The following HM13 variants were observed in gnomAD, a reference collection of about 807,000 sequenced individuals.
HM13 encodes the protein signal peptide peptidase.
In HM13, 18 loss-of-function variants were observed where a neutral mutation model predicts 50.0. That is an observed-to-expected ratio of 0.36 (90% CI 0.25 to 0.53). The LOEUF (loss-of-function observed/expected upper bound fraction) is 0.53. Among genes scored for constraint, HM13 ranks in the 20% least tolerant of loss-of-function variants. The pLI, the probability that HM13 is intolerant of heterozygous loss-of-function variation, is 0.90. For missense variants in HM13, 393 were observed against 552.4 expected (o/e 0.71, Z 2.89); for synonymous variants, 197 against 232.6 (o/e 0.85, Z 1.39).
chr20:31,539,530 T>C (rs928950914), intron 3 of HM13: 1 of 984,678 alleles, frequency 1.0e-6, no homozygotes, highest in Non-Finnish European at 1.2e-6. Flanking sequence ...AGGTGGTGGC[T>C]CATGCCTGTA....
At chr20:31,547,387 C>T (rs1983784401) in intron 4 of HM13, 7 of 403,640 alleles carry the variant, frequency 1.7e-5, no homozygotes, top group Admixed American at 4.7e-5. Flanking sequence ...TTAGCGACAA[C>T]GGCTCTGACC....
At chr20:31,527,896 C>CT (rs79029117) in intron 2 of HM13, 3,270 of 167,624 alleles carry the variant, frequency 0.02, 20 homozygotes, top group Admixed American at 0.024. Context: ...TACTAATGGC[C>CT]TTTTTTTTTT....
chr20:31,536,710 A>G (rs1214906934), intron 2 of HM13, among the ~76,000 whole-genome samples: 1 of 152,138 alleles, frequency 6.6e-6, no homozygotes, highest in East Asian at 1.9e-4. Flanking sequence ...TAGTCCCTGC[A>G]CACATGAACA....
intron 4 of HM13, among the ~76,000 whole-genome samples, chr20:31,546,289 G>A (rs1983713438): frequency 1.3e-5 from 2 of 151,782 alleles, no homozygotes; most frequent in Non-Finnish European, 2.9e-5. Flanking sequence ...CTCTTGATTC[G>A]CCTCCCAAAG....
intron 2 of HM13, among the ~76,000 whole-genome samples, chr20:31,531,184 A>G (rs1002438141): frequency 1.3e-5 from 2 of 151,772 alleles, no homozygotes; most frequent in African/African-American, 4.8e-5. Context: ...AGCTAGGATT[A>G]CAGGTGTGTG....
chr20:31,554,573 T>C, intron 7 of HM13, 173 bp from the exon 8 acceptor site: 1 of 552,320 alleles, frequency 1.8e-6, no homozygotes, highest in Non-Finnish European at 3.2e-6. Flanking sequence ...TTCCAGCTAC[T>C]TGGGAGGCTG....
At chr20:31,537,110 G>A (rs762090488) in intron 2 of HM13, among the ~76,000 whole-genome samples, 4 of 152,244 alleles carry the variant, frequency 2.6e-5, no homozygotes, top group African/African-American at 4.8e-5. Context: ...AAAGAAGGTT[G>A]AGTAAGGGTG....
At chr20:31,569,014 G>T in intron 12 of HM13, 106 bp from the exon 13 acceptor site, 1 of 754,422 alleles carries the variant, frequency 1.3e-6, no homozygotes, top group South Asian at 1.8e-5. Flanking sequence ...CTCTGCATGT[G>T]ACCAGGCGCT....
At chr20:31,519,538 GT>G (rs1203503066) in intron 1 of HM13, among the ~76,000 whole-genome samples, 2 of 152,178 alleles carry the variant, frequency 1.3e-5, no homozygotes, top group Non-Finnish European at 2.9e-5. Context: ...TAGAATGCTA[GT>G]TCTCTAGTAT....
At position 31,518,866 on chromosome 20, in the gene HM13, T is replaced by TAG. The variant is rs377009137; in HGVS notation, c.183+4150_183+4151dup. On this transcript the variant is annotated intron_variant, in intron 1 of 12. Coordinates refer to ENST00000398174, the MANE Select transcript of HM13 (RefSeq NM_178581.3). ...CTCAAAAAATATATACATATATATA[T>TAG]AGAGAGAGAGAGAGAGAGATCTACC... Among the ~76,000 whole-genome samples, 327 of 149,396 alleles carry TAG rather than the reference T, an allele frequency of 2.2e-3. 4 individuals are homozygous for TAG. Among genetic ancestry groups the TAG allele is most frequent in the East Asian group, 0.016 (82 of 5,084 alleles).
intron 1 of HM13, among the ~76,000 whole-genome samples, chr20:31,523,645 A>G (rs928331062): frequency 6.6e-6 from 1 of 152,170 alleles, no homozygotes; most frequent in Non-Finnish European, 1.5e-5. Context: ...CCTGCCTGTG[A>G]GTGTTTCAAG....
chr20:31,549,645 G>A (rs959444348), intron 6 of HM13, among the ~76,000 whole-genome samples: 2 of 152,156 alleles, frequency 1.3e-5, no homozygotes, highest in African/African-American at 4.8e-5. Flanking sequence ...TTCAGGTAGG[G>A]GTGGAAGAAT....
rs752347671 is a variant in HM13 at position 31,550,044 on chromosome 20, C to T, written c.667-20C>T. 2 of 1,602,996 alleles carry T rather than the reference C, an allele frequency of 1.2e-6. No homozygotes were observed. The highest frequency in any genetic ancestry group is 2.2e-5 in the East Asian group (1 of 44,820). On this transcript the variant is annotated intron_variant, in intron 6 of 12. Coordinates refer to ENST00000398174, the MANE Select transcript of HM13 (RefSeq NM_178581.3). ...CAGCCCCTCACTTCCCTTCATACTG[C>T]TCTTTTTTTCTCCTTCTAGGTATTT... is the stretch of plus-strand genomic sequence containing the variant.
chr20:31,565,416 T>C (rs1157044393), intron 10 of HM13, among the ~76,000 whole-genome samples: 20 of 149,204 alleles, frequency 1.3e-4, no homozygotes, highest in Non-Finnish European at 2.8e-4. Context: ...GAGGCGGAGG[T>C]TGCAGTGAGC....
chr20:31,538,613 TGTTGG>T, intron 3 of HM13: 1 of 1,235,028 alleles, frequency 8.1e-7, no homozygotes, highest in Non-Finnish European at 1.0e-6. Flanking sequence ...CTAAGTGCCA[TGTTGG>T]GCTCCTCACA....
chr20:31,527,438 A>T (rs1386238177), intron 1 of HM13, 46 bp from the exon 2 acceptor site: 2 of 1,375,876 alleles, frequency 1.5e-6, no homozygotes, highest in South Asian at 2.3e-5. Flanking sequence ...GCAGGAACAT[A>T]TGGGAACCAG....
intron 1 of HM13, among the ~76,000 whole-genome samples, chr20:31,519,472 G>C (rs369873533): frequency 1.3e-5 from 2 of 152,182 alleles, no homozygotes; most frequent in Non-Finnish European, 2.9e-5. Flanking sequence ...CAGTACATAG[G>C]GGGTGGGTGT....
In HM13 at chr20:31,549,343, CA is replaced by C; in HGVS notation, c.666+12del. Reference sequence around the variant, plus strand: ...TACGATGTCTTCTGGGTGAGTCAGGCAGGGATGCCAAGGATGTCTGGCTCCG... The same window carrying C: ...TACGATGTCTTCTGGGTGAGTCAGGCGGGATGCCAAGGATGTCTGGCTCCG... On this transcript the variant is annotated intron_variant, in intron 6 of 12. Transcript: ENST00000398174. The C allele has an allele frequency of 6.2e-7, 1 of 1,614,096 alleles. No individual in the cohort carries two copies. Among genetic ancestry groups the C allele is most frequent in the Non-Finnish European group, 8.5e-7 (1 of 1,179,990 alleles).
At chr20:31,523,715 G>A (rs1377654399) in intron 1 of HM13, among the ~76,000 whole-genome samples, 1 of 152,216 alleles carries the variant, frequency 6.6e-6, no homozygotes, top group Admixed American at 6.5e-5. Flanking sequence ...TGAATGTGTG[G>A]AGATGCTCAG....
Sources: gnomAD v4.1 joint callset for allele counts (sites outside exome capture counted in the v4.1 genomes callset) on GRCh38, gnomAD v4.1.1 for gene constraint, MANE v1.5 for transcripts, NCBI Gene and HGNC (gene_info 2026-07-23, HGNC 2026-07-21) for gene names.